Variants in PRKCQ observed in about 807,000 individuals in gnomAD.
PRKCQ encodes the protein protein kinase C theta, also known as protein kinase C theta type.
PRKCQ carries 41 observed loss-of-function variants against 91.2 expected under a neutral mutation model. The ratio of observed to expected loss-of-function variants is 0.45; its 90% CI spans 0.35 to 0.58. The LOEUF is 0.58. PRKCQ is among the 20% of genes least tolerant of loss of function. The probability of loss-of-function intolerance (pLI) is 0.00; values close to 1 mark genes in which losing one functional copy is unlikely to be tolerated. For missense variants in PRKCQ, 673 were observed against 896.5 expected (o/e 0.75, Z 3.18); for synonymous variants, 307 against 316.9 (o/e 0.97, Z 0.33).
intron 1 of PRKCQ, among the ~76,000 whole-genome samples, chr10:6,572,222 TTTAA>T (rs1418060853): frequency 6.6e-6 from 1 of 152,236 alleles, no homozygotes; most frequent in Non-Finnish European, 1.5e-5. Context: ...TGTAATTTTC[TTTAA>T]TTTTTATTTT....
chr10:6,507,399 TC>T, intron 4 of PRKCQ, 36 bp downstream of exon 4: 1 of 1,580,908 alleles, frequency 6.3e-7, no homozygotes, highest in Non-Finnish European at 8.7e-7. Context: ...GGCCATGCCC[TC>T]CTCACCCCCA....
chr10:6,425,225 A>T (rs1213773961), downstream of PRKCQ, among the ~76,000 whole-genome samples: 83 of 137,666 alleles, frequency 6.0e-4, 1 homozygote, highest in East Asian at 9.8e-3. Flanking sequence ...TCTCTCCTCT[A>T]TTTTTTTTTT....
chr10:6,549,106 G>A (rs915034022), intron 1 of PRKCQ, among the ~76,000 whole-genome samples: 1 of 152,118 alleles, frequency 6.6e-6, no homozygotes, highest in Non-Finnish European at 1.5e-5. Flanking sequence ...GGGAGCGATG[G>A]AACAGCTCTG....
intron 15 of PRKCQ, among the ~76,000 whole-genome samples, chr10:6,452,432 C>A (rs1227078925): frequency 6.6e-6 from 1 of 151,992 alleles, no homozygotes; most frequent in African/African-American, 2.4e-5. Flanking sequence ...AGGATACAAA[C>A]CAATGGAAGA....
the PRKCQ span, among the ~76,000 whole-genome samples, chr10:6,404,436 CTT>C: frequency 0.018 from 2,322 of 132,338 alleles, 70 homozygotes; most frequent in African/African-American, 0.057. Flanking sequence ...TTCTTTCTCT[CTT>C]TCTTTCTCTT....
chr10:6,467,758 T>C (rs1835766343), intron 12 of PRKCQ, among the ~76,000 whole-genome samples: 1 of 152,148 alleles, frequency 6.6e-6, no homozygotes, highest in East Asian at 1.9e-4. Context: ...CTCTGAAAAA[T>C]GAACCCTGTC....
the PRKCQ span, among the ~76,000 whole-genome samples, chr10:6,418,197 C>G: frequency 6.6e-6 from 1 of 152,198 alleles, no homozygotes; most frequent in Non-Finnish European, 1.5e-5. Flanking sequence ...GTCGCAGAAC[C>G]TTTGGATGTA....
At chr10:6,448,027 C>A (rs1210873713) in intron 15 of PRKCQ, among the ~76,000 whole-genome samples, 1 of 152,092 alleles carries the variant, frequency 6.6e-6, no homozygotes, top group Non-Finnish European at 1.5e-5. Flanking sequence ...CAGCCTCCGA[C>A]CAGGGGTGGG....
intron 1 of PRKCQ, among the ~76,000 whole-genome samples, chr10:6,552,544 C>A (rs78301269): frequency 5.9e-5 from 9 of 151,522 alleles, no homozygotes; most frequent in Non-Finnish European, 1.3e-4. Context: ...CAGCTCACTG[C>A]GGCCTCCACC....
intron 15 of PRKCQ, among the ~76,000 whole-genome samples, chr10:6,451,776 T>C (rs1399132368): frequency 6.6e-6 from 1 of 152,092 alleles, no homozygotes; most frequent in East Asian, 1.9e-4. Context: ...GTTCAATATA[T>C]GCAAATCAAT....
chr10:6,553,061 C>T (rs1277028871), intron 1 of PRKCQ, among the ~76,000 whole-genome samples: 1 of 152,052 alleles, frequency 6.6e-6, no homozygotes, highest in African/African-American at 2.4e-5. Flanking sequence ...ACAGTTTCTG[C>T]GTTTAGCCTG....
intron 10 of PRKCQ, 39 bp from the exon 11 acceptor site, chr10:6,483,639 T>C (rs376288300): frequency 3.1e-6 from 5 of 1,606,420 alleles, no homozygotes; most frequent in East Asian, 2.2e-5. Flanking sequence ...GAACATGGAG[T>C]AATGGAGGTC....
At position 6,568,684 on chromosome 10, in the gene PRKCQ, G is replaced by T. The variant is rs78156062; in HGVS notation, c.-10+11527C>A. ...GGCTAATTTTTTTGTATTTTTAGTA[G>T]AGACGGGGTTTCACTGCATTAGCCA... is the stretch of plus-strand genomic sequence containing the variant. On this transcript the variant is annotated intron_variant, in intron 1 of 17. Coordinates refer to ENST00000263125, the MANE Select transcript of PRKCQ (RefSeq NM_006257.5). 9.4e-3 allele frequency among the ~76,000 whole-genome samples: 1,433 copies of T among 152,158 alleles called. 20 individuals are homozygous for T. The highest frequency in any genetic ancestry group is 0.046 in the East Asian group (239 of 5,176).
intron 1 of PRKCQ, among the ~76,000 whole-genome samples, chr10:6,567,577 C>T (rs538152509): frequency 4.6e-4 from 70 of 152,336 alleles, no homozygotes; most frequent in Non-Finnish European, 7.3e-4. Flanking sequence ...TATGACATCC[C>T]TGAGGTCACC....
At chr10:6,457,739 T>C (rs1048976154) in intron 14 of PRKCQ, among the ~76,000 whole-genome samples, 1 of 152,190 alleles carries the variant, frequency 6.6e-6, no homozygotes, top group African/African-American at 2.4e-5. Context: ...TACCATCCTC[T>C]TGCCTTTTGC....
the PRKCQ span, among the ~76,000 whole-genome samples, chr10:6,420,052 G>A: frequency 2.0e-5 from 3 of 151,494 alleles, no homozygotes; most frequent in South Asian, 2.1e-4. Flanking sequence ...GCAGTGGTGC[G>A]ATCTCGGCTC....
intron 12 of PRKCQ, among the ~76,000 whole-genome samples, chr10:6,469,819 C>A (rs967505107): frequency 7.9e-5 from 12 of 152,044 alleles, no homozygotes; most frequent in African/African-American, 2.9e-4. Context: ...CATAACAAAT[C>A]ATTAGTTGTC....
chr10:6,509,409 T>C (rs1328328535), intron 3 of PRKCQ, among the ~76,000 whole-genome samples: 2 of 152,112 alleles, frequency 1.3e-5, no homozygotes, highest in African/African-American at 4.8e-5. Context: ...AAAAAAAAAA[T>C]TAGGTAGACC....
intron 1 of PRKCQ, among the ~76,000 whole-genome samples, chr10:6,550,033 T>C (rs1050557034): frequency 1.8e-4 from 27 of 152,186 alleles, no homozygotes; most frequent in Non-Finnish European, 2.9e-4. Context: ...CTTGCAAGTC[T>C]GAAATTCTGC....
Sources: allele counts gnomAD v4.1 joint callset (sites outside exome capture counted in the v4.1 genomes callset), GRCh38; gene constraint gnomAD v4.1.1; transcripts MANE v1.5; gene names NCBI Gene and HGNC (gene_info 2026-07-23, HGNC 2026-07-21).